SDK1: variants seen among roughly 807,000 people sequenced by gnomAD.
SDK1 encodes protein sidekick-1.
In SDK1, 157 loss-of-function variants were observed where a neutral mutation model predicts 245.5. That is an observed-to-expected ratio of 0.64 (90% CI 0.56 to 0.73). The LOEUF is 0.73. Ranked by LOEUF, SDK1 falls within the 30% of genes least tolerant of loss-of-function variation. The pLI is 0.00. For missense variants in SDK1, 3,583 were observed against 3,002.3 expected (o/e 1.19, Z -4.52); for synonymous variants, 1,647 against 1,278.5 (o/e 1.29, Z -6.15).
intron 1 of SDK1, among the ~76,000 whole-genome samples, chr7:3,597,271 CAA>C (rs59830553): frequency 0.14 from 12,333 of 89,354 alleles, 826 homozygotes; most frequent in East Asian, 0.41. Context: ...GACTTGGTCT[CAA>C]AAAAAAAAAA....
At chr7:3,315,985 C>T (rs1385875381) in intron 1 of SDK1, among the ~76,000 whole-genome samples, 5 of 152,070 alleles carry the variant, frequency 3.3e-5, no homozygotes, top group African/African-American at 1.2e-4. Context: ...TTTGTACCAT[C>T]GATTTCTGGT....
rs992436258 is a variant in SDK1, at chr7:3,550,341, A to G, written c.299-68739A>G. Among the ~76,000 whole-genome samples, 5 of 152,178 alleles carry G rather than the reference A, an allele frequency of 3.3e-5. 1 individual carries two copies. The highest frequency in any genetic ancestry group is 9.7e-5 in the African/African-American group (4 of 41,436). ...ATTTGCGTTTTCTTCCCTTTTCTAA[A>G]TGTAGTCTCCAGATGAATTAATATA... On this transcript the variant is annotated intron_variant, in intron 1 of 44. Transcript: ENST00000404826.
intron 17 of SDK1, among the ~76,000 whole-genome samples, chr7:4,039,476 A>G (rs1218677140): frequency 6.6e-6 from 1 of 152,204 alleles, no homozygotes; most frequent in Non-Finnish European, 1.5e-5. Flanking sequence ...AGATATTTTG[A>G]TTGCATACAT....
intron 5 of SDK1, among the ~76,000 whole-genome samples, chr7:3,922,987 A>G (rs1321522238): frequency 6.6e-6 from 1 of 152,186 alleles, no homozygotes; most frequent in Non-Finnish European, 1.5e-5. Context: ...AAAACTCTTG[A>G]TTCCAGCCAG....
chr7:3,951,109 A>T, intron 6 of SDK1, 75 bp downstream of exon 6: 4 of 1,117,664 alleles, frequency 3.6e-6, no homozygotes, highest in Non-Finnish European at 5.4e-6. Flanking sequence ...AGAAGGATAC[A>T]CTGGAGCATG....
chr7:3,372,829 A>G (rs1395194832), intron 1 of SDK1, among the ~76,000 whole-genome samples: 1 of 152,178 alleles, frequency 6.6e-6, no homozygotes, highest in Non-Finnish European at 1.5e-5. Flanking sequence ...AAGGTGATGG[A>G]TTTTATTTCA....
intron 4 of SDK1, among the ~76,000 whole-genome samples, chr7:3,760,286 AC>A (rs1210640370): frequency 3.3e-5 from 5 of 152,270 alleles, no homozygotes; most frequent in South Asian, 2.1e-4. Flanking sequence ...ATTTCAGATG[AC>A]CACAGTTACA....
intron 1 of SDK1, among the ~76,000 whole-genome samples, chr7:3,487,767 A>G (rs1263418210): frequency 2.6e-5 from 4 of 151,522 alleles, no homozygotes; most frequent in Non-Finnish European, 4.4e-5. Flanking sequence ...AAAAAAAAAA[A>G]AAAAAAAAAG....
intron 4 of SDK1, among the ~76,000 whole-genome samples, chr7:3,699,549 G>A (rs544030407): frequency 9.2e-5 from 14 of 152,222 alleles, no homozygotes; most frequent in Non-Finnish European, 1.5e-4. Context: ...AAAAGAATCC[G>A]TGAACTTGAA....
In SDK1 at chr7:4,001,090, C is replaced by CA. The variant is rs541146807; in HGVS notation, c.2132-9875dup. 3.6e-4 allele frequency among the ~76,000 whole-genome samples: 55 copies of CA among 152,292 alleles called. 1 individual carries two copies. In the East Asian group the frequency reaches 0.011, roughly 29 times the overall value. On this transcript the variant is annotated intron_variant, in intron 14 of 44. Coordinates refer to ENST00000404826, the MANE Select transcript of SDK1 (RefSeq NM_152744.4). ...TGGAATCCTCTGGCCCAGGCTGTCC[C>CA]ACAGGATGGTGTAACTTCCTGCGTG...
chr7:3,593,057 A>G (rs1158244410), intron 1 of SDK1, among the ~76,000 whole-genome samples: 2 of 152,246 alleles, frequency 1.3e-5, no homozygotes, highest in African/African-American at 4.8e-5. Context: ...GTGGAGATGC[A>G]GAAGAGAATT....
intron 1 of SDK1, among the ~76,000 whole-genome samples, chr7:3,311,458 A>G (rs780171881): frequency 7.2e-5 from 11 of 152,162 alleles, no homozygotes; most frequent in Non-Finnish European, 1.6e-4. Context: ...GTCAACCGGT[A>G]TGTTCTTGTT....
At chr7:3,873,692 C>T (rs1406185043) in intron 5 of SDK1, among the ~76,000 whole-genome samples, 1 of 152,120 alleles carries the variant, frequency 6.6e-6, no homozygotes, top group South Asian at 2.1e-4. Flanking sequence ...GACCCATCTT[C>T]AAGTTCAGTA....
At chr7:3,824,113 C>T (rs997469451) in intron 5 of SDK1, among the ~76,000 whole-genome samples, 1 of 152,086 alleles carries the variant, frequency 6.6e-6, no homozygotes, top group African/African-American at 2.4e-5. Context: ...AGTTCAGGAC[C>T]TGGCCACCCT....
intron 4 of SDK1, among the ~76,000 whole-genome samples, 155 bp from the exon 5 acceptor site, chr7:3,821,295 C>G (rs562277506): frequency 1.3e-5 from 2 of 152,182 alleles, no homozygotes; most frequent in Non-Finnish European, 2.9e-5. Context: ...CTGGCGTTGT[C>G]GTATTCTTAA....
chr7:3,765,644 G>A (rs1291939307), intron 4 of SDK1, among the ~76,000 whole-genome samples: 2 of 152,148 alleles, frequency 1.3e-5, no homozygotes, highest in South Asian at 2.1e-4. Context: ...TACGAAGGTG[G>A]AAGTATCTAA....
chr7:3,733,541 T>A (rs1165350551), intron 4 of SDK1, among the ~76,000 whole-genome samples: 2 of 152,172 alleles, frequency 1.3e-5, no homozygotes, highest in South Asian at 2.1e-4. Context: ...ACTGTAGACG[T>A]GTGGCAGGCA....
intron 30 of SDK1, among the ~76,000 whole-genome samples, chr7:4,153,323 T>C (rs527334811): frequency 6.6e-6 from 1 of 152,098 alleles, no homozygotes; most frequent in Non-Finnish European, 1.5e-5. Context: ...TGGTGGCTCA[T>C]GCCTGTAATC....
At chr7:4,169,775 C>T (rs1339765103) in intron 32 of SDK1, among the ~76,000 whole-genome samples, 2 of 152,206 alleles carry the variant, frequency 1.3e-5, no homozygotes, top group African/African-American at 2.4e-5. Flanking sequence ...AGCACCAGGC[C>T]TTCCTGGTGG....
Sources: allele counts gnomAD v4.1 joint callset (sites outside exome capture counted in the v4.1 genomes callset), GRCh38; gene constraint gnomAD v4.1.1; transcripts MANE v1.5; gene names NCBI Gene and HGNC (gene_info 2026-07-23, HGNC 2026-07-21).